Variants in GALNT13 observed in about 807,000 individuals in gnomAD.
GALNT13 encodes UDP-GalNAc:polypeptide N-acetylgalactosaminyltransferase 13.
A neutral mutation model predicts 64.2 loss-of-function variants in GALNT13; 28 were observed. The ratio of observed to expected loss-of-function variants is 0.44; its 90% confidence interval spans 0.32 to 0.60. GALNT13 has a LOEUF of 0.60. Ranked by LOEUF, GALNT13 falls within the 20% of genes least tolerant of loss-of-function variation. The pLI is 0.05. For missense variants in GALNT13, 577 were observed against 669.8 expected, an observed-to-expected ratio of 0.86 and a Z score of 1.53; for synonymous variants, 214 against 224.6, an observed-to-expected ratio of 0.95 and a Z score of 0.42.
chr2:153,647,417 T>A, the GALNT13 span, among the ~76,000 whole-genome samples: 1 of 152,052 alleles, frequency 6.6e-6, no homozygotes, highest in Non-Finnish European at 1.5e-5. Context: ...CTGTAGGTTG[T>A]CTGTTCACTC....
chr2:153,344,950 A>G, the GALNT13 span, among the ~76,000 whole-genome samples: 40 of 152,328 alleles, frequency 2.6e-4, no homozygotes, highest in African/African-American at 8.9e-4. Context: ...TTAAAAATCT[A>G]AAAGAGAGAT....
intron 2 of GALNT13, among the ~76,000 whole-genome samples, chr2:153,920,315 C>T: frequency 6.6e-6 from 1 of 151,980 alleles, no homozygotes; most frequent in East Asian, 1.9e-4. Flanking sequence ...ATAGACAACC[C>T]AGAAATAAGG....
At chr2:153,954,098 T>G (rs1246707270) in intron 3 of GALNT13, among the ~76,000 whole-genome samples, 1 of 152,214 alleles carries the variant, frequency 6.6e-6, no homozygotes, top group Non-Finnish European at 1.5e-5. Context: ...TGATTTTGTC[T>G]GATTAATCTT....
the GALNT13 span, among the ~76,000 whole-genome samples, chr2:153,110,205 A>G: frequency 6.6e-6 from 1 of 152,128 alleles, no homozygotes; most frequent in South Asian, 2.1e-4. Flanking sequence ...AAACATAAGT[A>G]ATAAGTGGTT....
the GALNT13 span, among the ~76,000 whole-genome samples, chr2:153,175,097 T>G: frequency 6.6e-6 from 1 of 152,190 alleles, no homozygotes; most frequent in African/African-American, 2.4e-5. Context: ...CCTTCTGATA[T>G]TTTCACTTTT....
At chr2:153,742,069 A>C in the GALNT13 span, among the ~76,000 whole-genome samples, 2 of 152,182 alleles carry the variant, frequency 1.3e-5, no homozygotes, top group East Asian at 3.9e-4. Context: ...ATGGATTTTA[A>C]AAAAAATTGT....
chr2:153,367,355 G>C, the GALNT13 span, among the ~76,000 whole-genome samples: 3 of 152,052 alleles, frequency 2.0e-5, no homozygotes, highest in Non-Finnish European at 2.9e-5. Flanking sequence ...TTTGAAGGTA[G>C]ACTGTGATCA....
the GALNT13 span, among the ~76,000 whole-genome samples, chr2:153,577,174 A>G: frequency 2.6e-5 from 4 of 152,292 alleles, no homozygotes; most frequent in Admixed American, 2.0e-4. Context: ...TGACATTTTT[A>G]GAGAAATTTT....
At chr2:153,973,253 G>T (rs563510805) in intron 3 of GALNT13, among the ~76,000 whole-genome samples, 1 of 151,986 alleles carries the variant, frequency 6.6e-6, no homozygotes, top group Admixed American at 6.6e-5. Context: ...TACAGTGATC[G>T]TGAAAAGACC....
intron 9 of GALNT13, among the ~76,000 whole-genome samples, chr2:154,365,577 A>G (rs772418361): frequency 1.3e-5 from 2 of 152,190 alleles, no homozygotes; most frequent in African/African-American, 4.8e-5. Flanking sequence ...GAAACAATAT[A>G]TCTATTTCAT....
the GALNT13 span, among the ~76,000 whole-genome samples, chr2:153,184,422 A>C: frequency 3.1e-4 from 47 of 152,198 alleles, no homozygotes; most frequent in African/African-American, 8.7e-4. Flanking sequence ...GCAAACAAAG[A>C]TAATTTGACT....
chr2:153,375,929 G>A, the GALNT13 span, among the ~76,000 whole-genome samples: 10 of 152,248 alleles, frequency 6.6e-5, no homozygotes, highest in East Asian at 1.9e-3. Context: ...TTGCTTCCAC[G>A]CATGGAGGAG....
intron 12 of GALNT13, among the ~76,000 whole-genome samples, chr2:154,448,633 G>A (rs1294873756): frequency 6.6e-6 from 1 of 152,042 alleles, no homozygotes; most frequent in African/African-American, 2.4e-5. Context: ...TGTTTAGAAA[G>A]AACAATAATA....
intron 4 of GALNT13, among the ~76,000 whole-genome samples, chr2:154,167,038 AAT>A (rs1210409235): frequency 6.6e-6 from 1 of 152,112 alleles, no homozygotes; most frequent in Non-Finnish European, 1.5e-5. Flanking sequence ...ATGATGAGTT[AAT>A]GGGTGCAGCA....
the GALNT13 span, among the ~76,000 whole-genome samples, chr2:153,492,411 A>T: frequency 6.6e-6 from 1 of 152,216 alleles, no homozygotes; most frequent in Admixed American, 6.5e-5. Context: ...AAGTTTAGCA[A>T]ACCTATTGAA....
chr2:153,708,055 C>A, the GALNT13 span, among the ~76,000 whole-genome samples: 1 of 152,050 alleles, frequency 6.6e-6, no homozygotes, highest in Non-Finnish European at 1.5e-5. Context: ...TTCCATACCC[C>A]CTACCCACAA....
At chr2:153,856,939 T>C in the GALNT13 span, among the ~76,000 whole-genome samples, 4 of 152,164 alleles carry the variant, frequency 2.6e-5, no homozygotes, top group Non-Finnish European at 4.4e-5. Context: ...GAAAATGAAC[T>C]ACTGCAACAT....
the GALNT13 span, among the ~76,000 whole-genome samples, chr2:153,368,853 C>A: frequency 6.6e-6 from 1 of 151,258 alleles, no homozygotes; most frequent in African/African-American, 2.4e-5. Context: ...ACTTTCCACC[C>A]AGAAAAGCAG....
At chr2:153,254,260 G>T in the GALNT13 span, among the ~76,000 whole-genome samples, 6 of 152,152 alleles carry the variant, frequency 3.9e-5, no homozygotes, top group African/African-American at 1.4e-4. Flanking sequence ...TTGCGTAGAG[G>T]TATTTGTAGT....
Sources: gnomAD v4.1 joint callset for allele counts (sites outside exome capture counted in the v4.1 genomes callset) on GRCh38, gnomAD v4.1.1 for gene constraint, MANE v1.5 for transcripts, NCBI Gene and HGNC (gene_info 2026-07-23, HGNC 2026-07-21) for gene names.